The following WDR31 variants were observed in gnomAD, a reference collection of about 807,000 sequenced individuals.
WDR31 encodes WD repeat domain 31.
Under a neutral mutation model 47.3 loss-of-function variants are expected in WDR31, and 30 were observed. The ratio of observed to expected loss-of-function variants is 0.63; its 90% CI spans 0.47 to 0.86. The LOEUF is 0.86. Among genes scored for constraint, WDR31 ranks in the 40% least tolerant of loss-of-function variants. The probability of loss-of-function intolerance (pLI) is 0.00; values close to 1 mark genes in which losing one functional copy is unlikely to be tolerated. For missense variants in WDR31, 406 were observed against 442.9 expected (o/e 0.92, Z 0.75); for synonymous variants, 137 against 159.4 (o/e 0.86, Z 1.06).
intron 3 of WDR31, 130 bp from the exon 4 acceptor site, chr9:113,331,246 G>A: frequency 1.5e-6 from 1 of 683,250 alleles, no homozygotes; most frequent in Non-Finnish European, 2.2e-6. Context: ...TATTTAAAAA[G>A]GAGAAGAGAA....
intron 5 of WDR31, among the ~76,000 whole-genome samples, chr9:113,326,698 T>A (rs1045699464): frequency 1.3e-5 from 2 of 152,172 alleles, no homozygotes; most frequent in Non-Finnish European, 2.9e-5. Context: ...GGTCTTGAAC[T>A]CCTGAGCTCA....
rs1257168561 is a variant in WDR31, at chr9:113,315,891, T to G, written c.*858A>C. The G allele has an allele frequency of 6.6e-6, 1 of 152,204 alleles. No homozygotes were observed. Among genetic ancestry groups the G allele is most frequent in the Non-Finnish European group, 1.5e-5 (1 of 68,054 alleles). The allele number at this position is 152,204 out of a possible 1,614,324, so 9.4% of individuals were successfully genotyped here. On this transcript the variant is annotated 3_prime_UTR_variant, in exon 11 of 11. Transcript: ENST00000374193. ...TTTTTCCTGTATGTTCTAATGTTATTTCAGGGATCCCCTTTGCCTCACTCT... is the reference window on the plus strand; with the variant it reads ...TTTTTCCTGTATGTTCTAATGTTATGTCAGGGATCCCCTTTGCCTCACTCT...
rs772566216 is a variant in WDR31 at position 113,315,061 on chromosome 9, C to T, written c.*1688G>A. The T allele has an allele frequency of 3.3e-5, 5 of 152,062 alleles. No individual in the cohort carries two copies. Among genetic ancestry groups the T allele is most frequent in the Non-Finnish European group, 5.9e-5 (4 of 68,022 alleles). 9.4% of individuals were successfully genotyped at this position (152,062 alleles called of 1,614,324 possible). ...CCAGCTAAATGGAGAAGTGGAGATT[C>T]AAAGTCGGGTCTGACTCTTTGTACT... On this transcript the variant is annotated 3_prime_UTR_variant, in exon 11 of 11. Coordinates refer to ENST00000374193, the MANE Select transcript of WDR31 (RefSeq NM_001012361.4).
chr9:113,324,826 A>ATGTGTGTG (rs1290289416), intron 5 of WDR31, among the ~76,000 whole-genome samples: 6 of 109,292 alleles, frequency 5.5e-5, no homozygotes, highest in African/African-American at 1.6e-4. Flanking sequence ...CTATATATAT[A>ATGTGTGTG]TATGTGTGTG....
At chr9:113,337,424 G>A (rs1418179132) in intron 1 of WDR31, among the ~76,000 whole-genome samples, 1 of 150,598 alleles carries the variant, frequency 6.6e-6, no homozygotes, top group Non-Finnish European at 1.5e-5. Flanking sequence ...TTTGAGCACT[G>A]ACATGACATT....
chr9:113,318,562 A>G lies in WDR31; in HGVS notation c.856T>C (p.Phe286Leu). The G allele has an allele frequency of 6.2e-7, 1 of 1,614,262 alleles. No individual in the cohort carries two copies. Among genetic ancestry groups the G allele is most frequent in the Non-Finnish European group, 8.5e-7 (1 of 1,180,046 alleles). Reference protein sequence around the residue: ...GHFQTVASCVFLPRALALMPL... With the variant: ...GHFQTVASCVLLPRALALMPL... The stretch of plus-strand genomic sequence containing the variant: ...ATCAAGGCCAATGCTCTTGGTAGAA[A>G]GACGCAGGATGCGACAGTCTGGAAA... The change falls in exon 10 of 11, where the codon TTT becomes CTT. Residue 286 changes from phenylalanine (F) to leucine (L), a missense_variant. Physicochemically the swap from Phe to Leu is conservative, Grantham distance 22 (BLOSUM62 0). Coordinates refer to ENST00000374193, the MANE Select transcript of WDR31 (RefSeq NM_001012361.4).
chr9:113,318,659 C>A, intron 9 of WDR31, 22 bp from the exon 10 acceptor site: 7 of 1,613,268 alleles, frequency 4.3e-6, no homozygotes, highest in South Asian at 1.1e-5. Context: ...TGACATGGAC[C>A]AGCTCATAGT....
intron 2 of WDR31, among the ~76,000 whole-genome samples, chr9:113,333,541 C>A (rs1833648004): frequency 6.6e-6 from 1 of 151,252 alleles, no homozygotes; most frequent in Non-Finnish European, 1.5e-5. Context: ...GCCACCGCGC[C>A]CGGCTAATTT....
At position 113,331,170 on chromosome 9, in the gene WDR31, G is replaced by C. The variant is rs113076834; in HGVS notation, c.117-54C>G. 70 of 1,270,592 alleles carry C rather than the reference G, an allele frequency of 5.5e-5. No individual in the cohort carries two copies. In the African/African-American group the frequency reaches 9.6e-4, roughly 17 times the overall value. The allele number at this position is 1,270,592 out of a possible 1,614,324, so 78.7% of individuals were successfully genotyped here. On this transcript the variant is annotated intron_variant, in intron 3 of 10. Coordinates refer to ENST00000374193, the MANE Select transcript of WDR31 (RefSeq NM_001012361.4). ...CAATGGCATGGGAGTGGATGGGGGT[G>C]GGGTGGGGTGGGGTAGGGAGAAGAA...
At chr9:113,333,673 G>A (rs1378672973) in intron 2 of WDR31, among the ~76,000 whole-genome samples, 3 of 150,796 alleles carry the variant, frequency 2.0e-5, no homozygotes, top group South Asian at 2.1e-4. Context: ...GAGCCACCGC[G>A]CCCGGCCGGA....
At chr9:113,322,935 C>G (rs764530336) in intron 6 of WDR31, 24 bp from the exon 7 acceptor site, 12 of 1,614,026 alleles carry the variant, frequency 7.4e-6, no homozygotes, top group Admixed American at 1.7e-5. Context: ...GGTGAGAAGA[C>G]AGCCTGTGAG....
At chr9:113,334,524 ATTAATTAATTTACTTATTTATT>A (rs1564315025) in intron 2 of WDR31, among the ~76,000 whole-genome samples, 1 of 151,772 alleles carries the variant, frequency 6.6e-6, no homozygotes, top group Non-Finnish European at 1.5e-5. Flanking sequence ...TTTAAAATTA[ATTAATTAATTTACTTATTTATT>A]TTATTTTTTT....
At chr9:113,339,121 C>A (rs1833776668) in intron 1 of WDR31, among the ~76,000 whole-genome samples, 1 of 152,128 alleles carries the variant, frequency 6.6e-6, no homozygotes, top group South Asian at 2.1e-4. Flanking sequence ...GGTCTGAATC[C>A]CATCACTTCT....
At position 113,318,521 on chromosome 9, in the gene WDR31, G is replaced by A. The variant is rs753224390; in HGVS notation, c.897C>T (p.Thr299=). ...RALALMPLIA[T]SSHDCKVKIW... is the part of the protein sequence containing the mutation. ...TCTTCACCTTGCAATCATGTGATGA[G>A]GTAGCAATTAAAGGCATCAAGGCCA... The change falls in exon 10 of 11, where the codon ACC becomes ACT. Residue 299 remains threonine, a synonymous_variant. Coordinates refer to ENST00000374193, the MANE Select transcript of WDR31 (RefSeq NM_001012361.4). 1.2e-6 allele frequency: 2 copies of A among 1,614,238 alleles called. No individual in the cohort carries two copies. The highest frequency in any genetic ancestry group is 2.2e-5 in the East Asian group (1 of 44,888).
Position 113,330,891 on chromosome 9 carries a change from C to G in WDR31, c.249+93G>C. 4.3e-6 allele frequency: 6 copies of G among 1,408,386 alleles called. 1 individual carries two copies. The highest frequency in any genetic ancestry group is 5.7e-6 in the Non-Finnish European group (6 of 1,044,048). 87.2% of individuals were successfully genotyped at this position (1,408,386 alleles called of 1,614,324 possible). On this transcript the variant is annotated intron_variant, in intron 4 of 10. Coordinates refer to ENST00000374193, the MANE Select transcript of WDR31 (RefSeq NM_001012361.4). ...GCCAATATTTTTACACTTGTCAACC[C>G]TGCTCCAGAAATGCAAATCCTAGAC...
In WDR31 at chr9:113,318,497, C is replaced by T; in HGVS notation, c.921G>A (p.Lys307=). Residue 307 remains lysine (K), a synonymous_variant, in exon 10 of 11, where the codon AAG becomes AAA. Coordinates refer to ENST00000374193, the MANE Select transcript of WDR31 (RefSeq NM_001012361.4). ...TACCTCCAGTATCTTGGTTCCAAAT[C>T]TTCACCTTGCAATCATGTGATGAGG... The part of the protein sequence containing the change: ...IATSSHDCKV[K]IWNQDTGACL... 1 of 1,614,218 alleles carries T rather than the reference C, an allele frequency of 6.2e-7. No individual in the cohort carries two copies. Among genetic ancestry groups the T allele is most frequent in the Non-Finnish European group, 8.5e-7 (1 of 1,180,032 alleles).
At chr9:113,332,216 T>C (rs1833614229) in intron 2 of WDR31, among the ~76,000 whole-genome samples, 166 bp from the exon 3 acceptor site, 1 of 152,190 alleles carries the variant, frequency 6.6e-6, no homozygotes, top group Admixed American at 6.5e-5. Context: ...AAAACAAAAC[T>C]GATTTTAAAA....
intron 9 of WDR31, among the ~76,000 whole-genome samples, chr9:113,319,941 G>A (rs1833288547): frequency 6.6e-6 from 1 of 152,076 alleles, no homozygotes; most frequent in South Asian, 2.1e-4. Flanking sequence ...GTTGATGAAT[G>A]TTTCTTTTAT....
chr9:113,328,767 A>G (rs1833530815), intron 5 of WDR31, 114 bp downstream of exon 5: 1 of 899,070 alleles, frequency 1.1e-6, no homozygotes, highest in Admixed American at 2.2e-5. Flanking sequence ...AGCATCAAAC[A>G]AACCTTTGCA....
Sources: gnomAD v4.1 joint callset for allele counts (sites outside exome capture counted in the v4.1 genomes callset) on GRCh38, gnomAD v4.1.1 for gene constraint, MANE v1.5 for transcripts, NCBI Gene and HGNC (gene_info 2026-07-23, HGNC 2026-07-21) for gene names.